Variants in WWC1 observed in about 807,000 individuals in gnomAD.
WWC1 encodes protein KIBRA.
WWC1 carries 55 observed loss-of-function variants against 138.4 expected under a neutral mutation model. That is an observed-to-expected ratio of 0.40 (90% CI 0.32 to 0.50). The LOEUF is 0.50. Among genes scored for constraint, WWC1 ranks in the 20% least tolerant of loss-of-function variants. The pLI is 0.72. For synonymous variants in WWC1, 524 were observed against 564.9 expected (o/e 0.93, Z 1.03); for missense variants, 1,226 against 1,420.4 (o/e 0.86, Z 2.20).
At chr5:168,314,783 C>T (rs1259467659) in intron 1 of WWC1, among the ~76,000 whole-genome samples, 7 of 152,128 alleles carry the variant, frequency 4.6e-5, no homozygotes, top group Admixed American at 4.6e-4. Context: ...TCACGGGCTG[C>T]AGAGAGAGTC....
chr5:168,414,206 A>G, intron 8 of WWC1, 142 bp from the exon 9 acceptor site: 1 of 1,291,424 alleles, frequency 7.7e-7, no homozygotes, highest in Non-Finnish European at 1.0e-6. Flanking sequence ...TAGAAAAAAA[A>G]TAGGTTCCTT....
chr5:168,432,462 AG>A (rs1782025999), intron 15 of WWC1, among the ~76,000 whole-genome samples: 1 of 152,236 alleles, frequency 6.6e-6, no homozygotes, highest in South Asian at 2.1e-4. Flanking sequence ...TCCCATCTGT[AG>A]AAGGGGGATT....
At chr5:168,385,748 C>G (rs977545203) in intron 3 of WWC1, among the ~76,000 whole-genome samples, 1 of 152,182 alleles carries the variant, frequency 6.6e-6, no homozygotes. Context: ...AAGAAAATTT[C>G]TAGAGGTGGA....
chr5:168,377,756 C>T (rs1192964239), intron 2 of WWC1, among the ~76,000 whole-genome samples: 1 of 152,284 alleles, frequency 6.6e-6, no homozygotes, highest in East Asian at 1.9e-4. Context: ...GTCAGAATGG[C>T]TGTTATTAAA....
chr5:168,408,452 C>A, intron 6 of WWC1, 55 bp from the exon 7 acceptor site: 2 of 1,594,490 alleles, frequency 1.3e-6, no homozygotes, highest in Non-Finnish European at 1.7e-6. Context: ...GCGTGGCAGA[C>A]CCAGAGCTCC....
chr5:168,386,595 C>T (rs1778068896), intron 3 of WWC1, among the ~76,000 whole-genome samples: 1 of 151,844 alleles, frequency 6.6e-6, no homozygotes, highest in South Asian at 2.1e-4. Flanking sequence ...CGGGGTTTCA[C>T]TGTGTTAGCC....
At chr5:168,358,420 A>G (rs753583903) in intron 1 of WWC1, among the ~76,000 whole-genome samples, 1 of 152,216 alleles carries the variant, frequency 6.6e-6, no homozygotes, top group Non-Finnish European at 1.5e-5. Context: ...GGACACAGTC[A>G]TGGAAACTCA....
At chr5:168,352,406 A>C (rs1053097167) in intron 1 of WWC1, among the ~76,000 whole-genome samples, 12 of 152,040 alleles carry the variant, frequency 7.9e-5, no homozygotes, top group Non-Finnish European at 1.3e-4. Flanking sequence ...CAAAGTATTG[A>C]TATTGTTGTT....
intron 1 of WWC1, among the ~76,000 whole-genome samples, chr5:168,301,768 C>T (rs760414080): frequency 1.3e-5 from 2 of 152,092 alleles, no homozygotes; most frequent in Non-Finnish European, 2.9e-5. Context: ...AAAGTCTTAG[C>T]GCCTATCATG....
intron 17 of WWC1, among the ~76,000 whole-genome samples, chr5:168,449,866 C>T (rs529356247): frequency 6.6e-6 from 1 of 152,258 alleles, no homozygotes; most frequent in Non-Finnish European, 1.5e-5. Context: ...TGAGCCACCG[C>T]ACCCGCCAAC....
intron 3 of WWC1, among the ~76,000 whole-genome samples, chr5:168,395,470 C>A (rs1285057309): frequency 6.6e-6 from 1 of 152,176 alleles, no homozygotes; most frequent in Non-Finnish European, 1.5e-5. Context: ...GGAAATACAG[C>A]AGGTCCTCAA....
intron 1 of WWC1, among the ~76,000 whole-genome samples, chr5:168,336,923 G>A (rs1773524990): frequency 6.6e-6 from 1 of 152,142 alleles, no homozygotes; most frequent in Non-Finnish European, 1.5e-5. Context: ...TTCAGATCCT[G>A]CTTTTAAGCT....
chr5:168,467,443 A>C (rs886202427), intron 21 of WWC1, among the ~76,000 whole-genome samples: 1 of 152,222 alleles, frequency 6.6e-6, no homozygotes, highest in Admixed American at 6.5e-5. Flanking sequence ...GAACTACTGC[A>C]TGGCTTGGGA....
chr5:168,380,932 A>G (rs1329135075), intron 2 of WWC1, among the ~76,000 whole-genome samples: 4 of 152,176 alleles, frequency 2.6e-5, no homozygotes, highest in Non-Finnish European at 5.9e-5. Flanking sequence ...GTGAAGTTCT[A>G]AAACAGGCAA....
intron 4 of WWC1, 148 bp from the exon 5 acceptor site, chr5:168,399,340 G>A (rs1779140782): frequency 2.9e-6 from 2 of 699,336 alleles, no homozygotes; most frequent in East Asian, 2.7e-5. Flanking sequence ...ACAGGAGGGG[G>A]CTCTGACCAG....
chr5:168,424,362 A>T (rs1158974652), intron 11 of WWC1, among the ~76,000 whole-genome samples: 3 of 152,206 alleles, frequency 2.0e-5, no homozygotes, highest in Non-Finnish European at 4.4e-5. Context: ...TCTATTCATG[A>T]TTATAGATAT....
At chr5:168,327,527 G>C (rs1274740408) in intron 1 of WWC1, among the ~76,000 whole-genome samples, 3 of 152,218 alleles carry the variant, frequency 2.0e-5, no homozygotes, top group African/African-American at 7.2e-5. Context: ...TAGAGAAATG[G>C]GTTTGCAATT....
At chr5:168,299,781 C>T (rs144435608) in intron 1 of WWC1, among the ~76,000 whole-genome samples, 3 of 152,282 alleles carry the variant, frequency 2.0e-5, no homozygotes, top group Non-Finnish European at 4.4e-5. Flanking sequence ...AGGTGGCCAC[C>T]GTCTTGCTGC....
chr5:168,331,725 A>G (rs551512038), intron 1 of WWC1, among the ~76,000 whole-genome samples: 1 of 152,312 alleles, frequency 6.6e-6, no homozygotes, highest in East Asian at 1.9e-4. Context: ...TGGAAAAACC[A>G]TTTGCAAACA....
Sources: allele counts gnomAD v4.1 joint callset (sites outside exome capture counted in the v4.1 genomes callset), GRCh38; gene constraint gnomAD v4.1.1; transcripts MANE v1.5; gene names NCBI Gene and HGNC (gene_info 2026-07-23, HGNC 2026-07-21).